The following GPATCH2 variants were observed in gnomAD, a reference collection of about 807,000 sequenced individuals.
GPATCH2 encodes G-patch domain containing 2, also known as G patch domain-containing protein 2.
In GPATCH2, 51 loss-of-function variants were observed where a neutral mutation model predicts 58.0. The ratio of observed to expected loss-of-function variants is 0.88; its 90% confidence interval spans 0.70 to 1.11. The LOEUF is 1.11. GPATCH2 is among the 50% of genes most tolerant of loss of function. The pLI is 0.00. For synonymous variants in GPATCH2, 222 were observed against 218.5 expected (o/e 1.02, Z -0.14); for missense variants, 625 against 652.2 (o/e 0.96, Z 0.45).
chr1:217,464,386 C>G (rs939218907), intron 8 of GPATCH2, among the ~76,000 whole-genome samples: 2 of 152,080 alleles, frequency 1.3e-5, no homozygotes, highest in African/African-American at 4.8e-5. Context: ...GCCCCAAGCA[C>G]AGGAAAACCT....
At chr1:217,488,288 A>T (rs1433078427) in intron 8 of GPATCH2, among the ~76,000 whole-genome samples, 1 of 152,124 alleles carries the variant, frequency 6.6e-6, no homozygotes, top group South Asian at 2.1e-4. Flanking sequence ...GTGTTACAGA[A>T]ATTTTCCATT....
intron 5 of GPATCH2, among the ~76,000 whole-genome samples, chr1:217,582,847 T>C (rs1471190613): frequency 6.6e-6 from 1 of 152,142 alleles, no homozygotes; most frequent in African/African-American, 2.4e-5. Flanking sequence ...GACAATAAAA[T>C]ATACTTAACT....
chr1:217,590,937 G>C (rs1432141995), intron 5 of GPATCH2, among the ~76,000 whole-genome samples: 1 of 152,184 alleles, frequency 6.6e-6, no homozygotes, highest in Non-Finnish European at 1.5e-5. Context: ...ATCAGCTAGA[G>C]AGAATTCAGG....
At position 217,449,289 on chromosome 1, in the gene GPATCH2, C is replaced by T. The variant is rs769631957; in HGVS notation, c.1326G>A (p.Arg442=). 2 of 1,610,642 alleles carry T rather than the reference C, an allele frequency of 1.2e-6. No homozygotes were observed. Among genetic ancestry groups the T allele is most frequent in the South Asian group, 1.1e-5 (1 of 91,008 alleles). ...CAGGCAAAGGTGCAGCTTTTCTTCT[C>T]CGTTTGATATCTCCCGTGCATAAGG... is the stretch of plus-strand genomic sequence containing the variant. ...LGSLCTGDIK[R]RRKAAPLPGP... The change falls in exon 9 of 10, where the codon CGG becomes CGA. Residue 442 remains arginine (R), a synonymous_variant. Coordinates refer to ENST00000366935, the MANE Select transcript of GPATCH2 (RefSeq NM_018040.5).
chr1:217,493,770 C>A (rs1454977377), intron 7 of GPATCH2, among the ~76,000 whole-genome samples: 2 of 152,056 alleles, frequency 1.3e-5, no homozygotes, highest in Non-Finnish European at 2.9e-5. Flanking sequence ...TACAAACCAA[C>A]ATTTGTGACA....
chr1:217,542,228 C>G (rs750533181), intron 5 of GPATCH2, among the ~76,000 whole-genome samples: 1 of 152,172 alleles, frequency 6.6e-6, no homozygotes, highest in Non-Finnish European at 1.5e-5. Context: ...TTGTAAGTGA[C>G]AGTGTCTATT....
At chr1:217,613,018 GT>G (rs537381621) in intron 3 of GPATCH2, among the ~76,000 whole-genome samples, 3 of 151,224 alleles carry the variant, frequency 2.0e-5, no homozygotes, top group East Asian at 1.9e-4. Context: ...GCTTGTCAAA[GT>G]TTTTTTTTAC....
At chr1:217,505,517 G>A (rs1662507425) in intron 6 of GPATCH2, among the ~76,000 whole-genome samples, 1 of 152,112 alleles carries the variant, frequency 6.6e-6, no homozygotes, top group East Asian at 1.9e-4. Flanking sequence ...ACTACAGGTA[G>A]CAGAAATGTA....
chr1:217,618,547 AATT>A (rs1660504870), intron 2 of GPATCH2, among the ~76,000 whole-genome samples: 1 of 152,156 alleles, frequency 6.6e-6, no homozygotes, highest in Non-Finnish European at 1.5e-5. Context: ...TCTTTAGAAA[AATT>A]ATATGACTAG....
chr1:217,529,948 A>C (rs1244766789), intron 5 of GPATCH2, among the ~76,000 whole-genome samples: 1 of 152,238 alleles, frequency 6.6e-6, no homozygotes, highest in East Asian at 1.9e-4. Flanking sequence ...TAAAGTACTA[A>C]ATACTAGTTT....
intron 5 of GPATCH2, among the ~76,000 whole-genome samples, chr1:217,588,271 A>T (rs1389791862): frequency 6.6e-6 from 1 of 152,190 alleles, no homozygotes. Flanking sequence ...GAAAGACTCA[A>T]CTGCTAAGAA....
chr1:217,569,381 C>A (rs777862593), intron 5 of GPATCH2, among the ~76,000 whole-genome samples: 2 of 151,960 alleles, frequency 1.3e-5, no homozygotes, highest in East Asian at 1.9e-4. Flanking sequence ...TTTTATGAAG[C>A]AAGTATTTAA....
chr1:217,546,660 C>T (rs1399169439), intron 5 of GPATCH2, among the ~76,000 whole-genome samples: 1 of 152,136 alleles, frequency 6.6e-6, no homozygotes, highest in Admixed American at 6.5e-5. Flanking sequence ...TGGAAGACAA[C>T]CTAAGCAATA....
At chr1:217,623,856 C>T (rs904184760) in intron 1 of GPATCH2, among the ~76,000 whole-genome samples, 22 of 151,844 alleles carry the variant, frequency 1.4e-4, no homozygotes, top group African/African-American at 5.1e-4. Context: ...GAGCTGAGAT[C>T]GCAACATTGC....
At chr1:217,585,738 C>T (rs1215538988) in intron 5 of GPATCH2, among the ~76,000 whole-genome samples, 1 of 152,146 alleles carries the variant, frequency 6.6e-6, no homozygotes, top group East Asian at 1.9e-4. Context: ...GCACTAAAGC[C>T]ATGCATTGCT....
intron 5 of GPATCH2, among the ~76,000 whole-genome samples, chr1:217,521,357 G>GAAAAAAA (rs1558453708): frequency 7.0e-3 from 81 of 11,512 alleles, no homozygotes; most frequent in African/African-American, 0.039. Context: ...CAGGGAGACT[G>GAAAAAAA]CAAAAAAAAA....
intron 5 of GPATCH2, chr1:217,608,202 T>A (rs1395578615): frequency 2.3e-6 from 2 of 862,060 alleles, no homozygotes; most frequent in Non-Finnish European, 2.8e-6. Flanking sequence ...CTTGCCCAAG[T>A]CAGAGATTTT....
chr1:217,532,499 C>T (rs976377094), intron 5 of GPATCH2, among the ~76,000 whole-genome samples: 1 of 152,058 alleles, frequency 6.6e-6, no homozygotes, highest in African/African-American at 2.4e-5. Context: ...TATTGGTGAA[C>T]AAGACTGAAA....
intron 6 of GPATCH2, among the ~76,000 whole-genome samples, chr1:217,503,906 C>T (rs1211651829): frequency 6.6e-6 from 1 of 152,122 alleles, no homozygotes; most frequent in East Asian, 1.9e-4. Flanking sequence ...CCTTAAACTA[C>T]TCTAGGGACA....
Sources: allele counts gnomAD v4.1 joint callset (sites outside exome capture counted in the v4.1 genomes callset), GRCh38; gene constraint gnomAD v4.1.1; transcripts MANE v1.5; gene names NCBI Gene and HGNC (gene_info 2026-07-23, HGNC 2026-07-21).